Variants in CLINT1 observed in about 807,000 individuals in gnomAD.
CLINT1 encodes the protein clathrin interactor 1.
In CLINT1, 15 loss-of-function variants were observed where a neutral mutation model predicts 70.4. The ratio of observed to expected loss-of-function variants is 0.21; its 90% confidence interval spans 0.14 to 0.33. The LOEUF (loss-of-function observed/expected upper bound fraction) is 0.33. Ranked by LOEUF, CLINT1 falls within the 10% of genes least tolerant of loss-of-function variation. The probability of loss-of-function intolerance (pLI) is 1.00; values close to 1 mark genes in which losing one functional copy is unlikely to be tolerated. For missense variants in CLINT1, 615 were observed against 778.1 expected (o/e 0.79, Z 2.49); for synonymous variants, 227 against 254.7 (o/e 0.89, Z 1.04).
intron 6 of CLINT1, among the ~76,000 whole-genome samples, chr5:157,808,645 A>G (rs1399116085): frequency 6.6e-6 from 1 of 152,116 alleles, no homozygotes; most frequent in Non-Finnish European, 1.5e-5. Flanking sequence ...TAATATTGGT[A>G]AGTAAGAACA....
intron 5 of CLINT1, among the ~76,000 whole-genome samples, chr5:157,812,083 T>C (rs1053834198): frequency 1.3e-5 from 2 of 152,146 alleles, no homozygotes; most frequent in African/African-American, 4.8e-5. Flanking sequence ...AAAAGGGAAT[T>C]TTTCTGCTGT....
Position 157,785,788 on chromosome 5 carries a change from G to C in CLINT1, c.*1858C>G, listed in dbSNP as rs942993198. On this transcript the variant is annotated 3_prime_UTR_variant, in exon 12 of 12. Coordinates refer to ENST00000411809, the MANE Select transcript of CLINT1 (RefSeq NM_014666.4). ...CTTCGTCTAAGAACCATACATATTT[G>C]AGAAAGTGAAGATATACTTCTTAAA... The C allele has an allele frequency of 2.0e-5, 3 of 152,134 alleles. No homozygotes were observed. Among genetic ancestry groups the C allele is most frequent in the African/African-American group, 7.2e-5 (3 of 41,426 alleles). 9.4% of individuals were successfully genotyped at this position (152,134 alleles called of 1,614,324 possible).
intron 1 of CLINT1, among the ~76,000 whole-genome samples, chr5:157,850,824 T>G (rs1174765186): frequency 6.6e-6 from 1 of 152,058 alleles, no homozygotes; most frequent in Non-Finnish European, 1.5e-5. Context: ...AGACAAAGTT[T>G]CACTCTGTTG....
At chr5:157,809,561 C>A (rs1762482595) in intron 6 of CLINT1, 67 bp downstream of exon 6, 9 of 1,375,374 alleles carry the variant, frequency 6.5e-6, no homozygotes, top group Middle Eastern at 2.0e-4. Flanking sequence ...CAACAAAAAA[C>A]CAAAAACCCA....
At chr5:157,814,881 A>C (rs1762669189) in intron 3 of CLINT1, among the ~76,000 whole-genome samples, 4 of 151,986 alleles carry the variant, frequency 2.6e-5, no homozygotes, top group Admixed American at 2.6e-4. Flanking sequence ...AAAAATACAA[A>C]AATTAGCTGG....
rs1761756202 is a variant in CLINT1 at position 157,787,364 on chromosome 5, T to C, written c.*282A>G. Reference sequence around the variant, plus strand: ...TCTTCCCACAAATTATGCTGTTAAATGGACTCTTCAGTTGATAAAGGCTTT... The same window carrying C: ...TCTTCCCACAAATTATGCTGTTAAACGGACTCTTCAGTTGATAAAGGCTTT... On this transcript the variant is annotated 3_prime_UTR_variant, in exon 12 of 12. Coordinates refer to ENST00000411809, the MANE Select transcript of CLINT1 (RefSeq NM_014666.4). The C allele has an allele frequency of 2.4e-6, 1 of 413,300 alleles. No homozygotes were observed. 25.6% of individuals were successfully genotyped at this position (413,300 alleles called of 1,614,324 possible).
At chr5:157,818,591 G>A (rs552643125) in intron 1 of CLINT1, among the ~76,000 whole-genome samples, 10 of 151,834 alleles carry the variant, frequency 6.6e-5, no homozygotes, top group Non-Finnish European at 1.5e-4. Flanking sequence ...CAAGGCTTCA[G>A]GGAGCCATGA....
intron 8 of CLINT1, among the ~76,000 whole-genome samples, chr5:157,797,629 A>G (rs1443987335): frequency 6.6e-6 from 1 of 151,872 alleles, no homozygotes; most frequent in African/African-American, 2.4e-5. Flanking sequence ...CAAGTGATCT[A>G]CCTGCCTCAG....
At chr5:157,790,737 G>C (rs1423988486) in intron 10 of CLINT1, 1 of 416,514 alleles carries the variant, frequency 2.4e-6, no homozygotes, top group African/African-American at 2.1e-5. Context: ...GTACCATTCA[G>C]ACACATATTT....
At chr5:157,830,786 C>A (rs1164675608) in intron 1 of CLINT1, among the ~76,000 whole-genome samples, 16 of 132,532 alleles carry the variant, frequency 1.2e-4, no homozygotes, top group African/African-American at 4.3e-4. Flanking sequence ...CTCTCTCTCT[C>A]TCTCTCTCTC....
At chr5:157,803,789 T>G in intron 7 of CLINT1, 70 bp from the exon 8 acceptor site, 4 of 1,105,342 alleles carry the variant, frequency 3.6e-6, no homozygotes, top group Non-Finnish European at 5.1e-6. Context: ...TATCCATCTC[T>G]AATTCTCAAT....
At position 157,795,586 on chromosome 5, in the gene CLINT1, T is replaced by C. The variant is rs1762041104; in HGVS notation, c.1013-614A>G. On this transcript the variant is annotated intron_variant, in intron 8 of 11. Coordinates refer to ENST00000411809, the MANE Select transcript of CLINT1 (RefSeq NM_014666.4). Reference sequence around the variant, plus strand: ...GGGGCAAAATGTCATGATTGCAACTTCCTCTCAGATGATACAGATGAACAA... The same window carrying C: ...GGGGCAAAATGTCATGATTGCAACTCCCTCTCAGATGATACAGATGAACAA... 4 of 151,912 alleles carry C rather than the reference T, an allele frequency of 2.6e-5. No individual in the cohort carries two copies. The South Asian group carries it at 8.3e-4, about 32-fold the overall frequency. The allele number at this position is 151,912 out of a possible 1,614,324, so 9.4% of individuals were successfully genotyped here. A position where few individuals can be genotyped will look rare whatever the true frequency, so the allele number is the denominator to read the frequency against.
intron 8 of CLINT1, among the ~76,000 whole-genome samples, chr5:157,796,885 T>G (rs1762083869): frequency 6.8e-6 from 1 of 146,020 alleles, no homozygotes; most frequent in Admixed American, 6.8e-5. Flanking sequence ...TGCTCATACA[T>G]ACATATATAT....
chr5:157,850,670 T>G (rs924301319), intron 1 of CLINT1, among the ~76,000 whole-genome samples: 6 of 147,172 alleles, frequency 4.1e-5, no homozygotes, highest in Admixed American at 6.7e-5. Flanking sequence ...AACTACAAAT[T>G]AAGACATGTA....
chr5:157,796,970 A>ATTTT (rs1158570533), intron 8 of CLINT1, among the ~76,000 whole-genome samples: 1 of 152,096 alleles, frequency 6.6e-6, no homozygotes, highest in African/African-American at 2.4e-5. Context: ...TATCTACACT[A>ATTTT]CAGCTTAGTC....
At chr5:157,831,902 G>A (rs1466929659) in intron 1 of CLINT1, among the ~76,000 whole-genome samples, 1 of 151,832 alleles carries the variant, frequency 6.6e-6, no homozygotes, top group Non-Finnish European at 1.5e-5. Context: ...ACGTTGGCCG[G>A]GATGGTCTTG....
intron 1 of CLINT1, among the ~76,000 whole-genome samples, chr5:157,850,105 G>C (rs1019791906): frequency 6.6e-6 from 1 of 152,092 alleles, no homozygotes; most frequent in South Asian, 2.1e-4. Context: ...GATCACAGGC[G>C]GGGCAACAAA....
chr5:157,817,490 G>A lies in CLINT1; in HGVS notation c.99C>T (p.Asn33=), dbSNP rs369350916. 78 of 1,606,184 alleles carry A rather than the reference G, an allele frequency of 4.9e-5. No individual in the cohort carries two copies. In the Middle Eastern group the frequency reaches 4.9e-4, roughly 10 times the overall value. ...GCCCAGAAGGTCCCCAAGGATCATC[G>A]TTCGTTGCCTCTCGAACCTTAGACT... ...EIESKVREAT[N]DDPWGPSGQL... Residue 33 remains asparagine, a synonymous_variant, in exon 2 of 12, where the codon AAC becomes AAT. Coordinates refer to ENST00000411809, the MANE Select transcript of CLINT1 (RefSeq NM_014666.4).
At chr5:157,850,698 TAA>T (rs966950666) in intron 1 of CLINT1, among the ~76,000 whole-genome samples, 28 of 150,226 alleles carry the variant, frequency 1.9e-4, no homozygotes, top group African/African-American at 6.4e-4. Context: ...CCGTATAACC[TAA>T]GTCACTTTAA....
Sources: gnomAD v4.1 joint callset for allele counts (sites outside exome capture counted in the v4.1 genomes callset) on GRCh38, gnomAD v4.1.1 for gene constraint, MANE v1.5 for transcripts, NCBI Gene and HGNC (gene_info 2026-07-23, HGNC 2026-07-21) for gene names.